The following BCL2L11 variants were observed in gnomAD, a reference collection of about 807,000 sequenced individuals.
BCL2L11 encodes bcl-2-like protein 11.
Under a neutral mutation model 20.6 loss-of-function variants are expected in BCL2L11, and 15 were observed. The ratio of observed to expected loss-of-function variants is 0.73; its 90% CI spans 0.49 to 1.12. The LOEUF is 1.12. BCL2L11 is among the 50% of genes most tolerant of loss of function. The probability of loss-of-function intolerance (pLI) is 0.00; values close to 1 mark genes in which losing one functional copy is unlikely to be tolerated. For synonymous variants in BCL2L11, 108 were observed against 92.8 expected (o/e 1.16, Z -0.94); for missense variants, 292 against 260.9 (o/e 1.12, Z -0.82).
chr2:111,145,857 A>G, intron 2 of BCL2L11: 1 of 592,738 alleles, frequency 1.7e-6, no homozygotes, highest in South Asian at 7.4e-5. Context: ...CAGTGGACAC[A>G]CTTTTGGCAA....
chr2:111,161,758 T>A (rs1464695580), intron 3 of BCL2L11, among the ~76,000 whole-genome samples: 1 of 152,188 alleles, frequency 6.6e-6, no homozygotes, highest in Non-Finnish European at 1.5e-5. Context: ...TACTTTGACC[T>A]TTCACCAGTA....
At chr2:111,123,646 T>G (rs769322480) in intron 1 of BCL2L11, 87 bp from the exon 2 acceptor site, 27 of 1,272,820 alleles carry the variant, frequency 2.1e-5, no homozygotes, top group Non-Finnish European at 2.0e-5. Context: ...ACCCTAAGAA[T>G]TTTTAATCGC....
intron 2 of BCL2L11, among the ~76,000 whole-genome samples, chr2:111,140,211 A>G (rs1464944226): frequency 6.6e-6 from 1 of 152,116 alleles, no homozygotes; most frequent in African/African-American, 2.4e-5. Flanking sequence ...TGCTTGGTTT[A>G]GTTTGGACTT....
chr2:111,142,421 G>A, intron 2 of BCL2L11: 2 of 1,528,606 alleles, frequency 1.3e-6, no homozygotes, highest in Non-Finnish European at 1.8e-6. Context: ...ATTCAAAATG[G>A]GATAAAAAGA....
At chr2:111,149,782 A>G (rs1365990901) in intron 2 of BCL2L11, among the ~76,000 whole-genome samples, 1 of 152,228 alleles carries the variant, frequency 6.6e-6, no homozygotes, top group Non-Finnish European at 1.5e-5. Context: ...ATGGGTTGGA[A>G]TGTTTTCAGT....
Position 111,147,340 on chromosome 2 carries a change from TCTCTCTCACACA to T in BCL2L11, c.395-2702_395-2691del, listed in dbSNP as rs1389413425. ...ACAGCCTCCTGTATCTCTCTCTCTC[TCTCTCTCACACA>T]CACACACACACACACACACACACAC... is the stretch of plus-strand genomic sequence containing the variant. On this transcript the variant is annotated intron_variant, in intron 2 of 3. Transcript: ENST00000393256. Among the ~76,000 whole-genome samples the T allele has an allele frequency of 3.7e-3, 505 of 134,950 alleles. 5 individuals carry two copies. Among genetic ancestry groups the T allele is most frequent in the African/African-American group, 0.014 (489 of 36,174 alleles). 88.5% of individuals were successfully genotyped at this position (134,950 alleles called of 152,430 possible).
chr2:111,163,288 C>T (rs1261450417), intron 3 of BCL2L11: 3 of 152,172 alleles, frequency 2.0e-5, no homozygotes, highest in Admixed American at 6.5e-5. Context: ...ATGTCCAGGG[C>T]AGATTTCAGA....
chr2:111,137,633 CTTTTTTTTT>C (rs575699231), intron 2 of BCL2L11, among the ~76,000 whole-genome samples: 39 of 132,926 alleles, frequency 2.9e-4, no homozygotes, highest in South Asian at 7.3e-4. Flanking sequence ...TTCCTCCCCA[CTTTTTTTTT>C]TTTTTTTTTT....
intron 3 of BCL2L11, among the ~76,000 whole-genome samples, chr2:111,152,996 AT>A (rs2077420412): frequency 6.6e-6 from 1 of 152,172 alleles, no homozygotes; most frequent in South Asian, 2.1e-4. Flanking sequence ...GTAGGCTGGG[AT>A]ATTAGGGGGA....
intron 3 of BCL2L11, chr2:111,162,948 G>A (rs1004972042): frequency 6.6e-6 from 1 of 152,226 alleles, no homozygotes; most frequent in Non-Finnish European, 1.5e-5. Context: ...AAAAATCACA[G>A]ACTGTGGTTA....
chr2:111,150,284 T>C, intron 3 of BCL2L11, 137 bp downstream of exon 3: 1 of 1,473,040 alleles, frequency 6.8e-7, no homozygotes, highest in Non-Finnish European at 9.1e-7. Context: ...TGACCTTTCA[T>C]TGTTTCTCCT....
rs2078968604 is a variant in BCL2L11 at position 111,165,242 on chromosome 2, T to G, written c.*1011T>G. ...GCTGCTGGCTTTTCTGGTTGCAGGC[T>G]TTCCCATGGTCACAGGATGCACTGT... On this transcript the variant is annotated 3_prime_UTR_variant, in exon 4 of 4. Coordinates refer to ENST00000393256, the MANE Select transcript of BCL2L11 (RefSeq NM_138621.5). The G allele has an allele frequency of 6.6e-6, 1 of 152,346 alleles. No individual in the cohort carries two copies. Among genetic ancestry groups the G allele is most frequent in the African/African-American group, 2.4e-5 (1 of 41,460 alleles). 9.4% of individuals were successfully genotyped at this position (152,346 alleles called of 1,614,324 possible). A position where few individuals can be genotyped will look rare whatever the true frequency, so the allele number is the denominator to read the frequency against.
chr2:111,123,300 C>G, intron 1 of BCL2L11: 1 of 985,510 alleles, frequency 1.0e-6, no homozygotes, highest in Non-Finnish European at 1.2e-6. Context: ...GGGGCCGGAG[C>G]AGGGAACGCG....
chr2:111,126,965 A>C (rs1179231417), intron 2 of BCL2L11, among the ~76,000 whole-genome samples: 1 of 152,038 alleles, frequency 6.6e-6, no homozygotes, highest in Non-Finnish European at 1.5e-5. Flanking sequence ...AAGTCTTAGG[A>C]GGAATGTATA....
chr2:111,157,005 G>A (rs1014883249), intron 3 of BCL2L11, among the ~76,000 whole-genome samples: 1 of 152,204 alleles, frequency 6.6e-6, no homozygotes, highest in African/African-American at 2.4e-5. Context: ...TGACCCTACT[G>A]CACATGCTGT....
intron 1 of BCL2L11, chr2:111,123,343 G>A: frequency 1.0e-6 from 1 of 985,500 alleles, no homozygotes; most frequent in Non-Finnish European, 1.2e-6. Flanking sequence ...ATCTGCGCCC[G>A]CTCCTGTGCT....
At chr2:111,130,871 T>C (rs2073811847) in intron 2 of BCL2L11, among the ~76,000 whole-genome samples, 1 of 152,222 alleles carries the variant, frequency 6.6e-6, no homozygotes, top group South Asian at 2.1e-4. Flanking sequence ...TATGATCCCA[T>C]GATGTTAATT....
chr2:111,131,128 G>A (rs1337272801), intron 2 of BCL2L11, among the ~76,000 whole-genome samples: 3 of 149,164 alleles, frequency 2.0e-5, no homozygotes, highest in Non-Finnish European at 3.0e-5. Flanking sequence ...TTTTCAGGAC[G>A]ATATTGTGTA....
At chr2:111,122,422 A>G (rs1178184835) in intron 1 of BCL2L11, among the ~76,000 whole-genome samples, 2 of 152,218 alleles carry the variant, frequency 1.3e-5, no homozygotes, top group Non-Finnish European at 2.9e-5. Context: ...GGCAGCCGCC[A>G]CGACCACGGC....
Sources: gnomAD v4.1 joint callset for allele counts (sites outside exome capture counted in the v4.1 genomes callset) on GRCh38, gnomAD v4.1.1 for gene constraint, MANE v1.5 for transcripts, NCBI Gene and HGNC (gene_info 2026-07-23, HGNC 2026-07-21) for gene names.